Variants in TMTC2 observed in about 807,000 individuals in gnomAD.
The protein encoded by TMTC2 is protein O-mannosyl-transferase TMTC2.
TMTC2 carries 43 observed loss-of-function variants against 82.4 expected under a neutral mutation model. The observed-to-expected ratio is 0.52, with a 90% CI of 0.41 to 0.67. TMTC2 has a LOEUF of 0.67. TMTC2 is among the 30% of genes least tolerant of loss of function. The pLI is 0.00. For missense variants in TMTC2, 919 were observed against 1,012.4 expected (o/e 0.91, Z 1.25); for synonymous variants, 408 against 381.9 (o/e 1.07, Z -0.80).
intron 1 of TMTC2, among the ~76,000 whole-genome samples, chr12:82,821,958 C>T (rs1869143904): frequency 6.6e-6 from 1 of 150,858 alleles, no homozygotes; most frequent in Non-Finnish European, 1.5e-5. Flanking sequence ...GTAAAAAGCA[C>T]TCCTTTACAA....
At chr12:82,740,531 G>A (rs962708004) in intron 1 of TMTC2, among the ~76,000 whole-genome samples, 2 of 152,196 alleles carry the variant, frequency 1.3e-5, no homozygotes, top group Non-Finnish European at 2.9e-5. Flanking sequence ...CTGATGTTAT[G>A]TACTCTGATC....
At chr12:82,867,262 C>T (rs1049508438) in intron 2 of TMTC2, among the ~76,000 whole-genome samples, 4 of 152,186 alleles carry the variant, frequency 2.6e-5, no homozygotes, top group Non-Finnish European at 5.9e-5. Flanking sequence ...AGTCAGTTTC[C>T]GTTCCAAAGG....
chr12:82,935,552 C>T (rs538180376), intron 4 of TMTC2, among the ~76,000 whole-genome samples: 12 of 152,090 alleles, frequency 7.9e-5, no homozygotes, highest in Non-Finnish European at 1.8e-4. Context: ...TCAACCTCTT[C>T]GCTACACCAC....
At chr12:82,871,976 T>C (rs1357851362) in intron 2 of TMTC2, among the ~76,000 whole-genome samples, 2 of 151,436 alleles carry the variant, frequency 1.3e-5, no homozygotes, top group Non-Finnish European at 2.9e-5. Flanking sequence ...TCATTATTTT[T>C]ACTCCATATT....
At chr12:82,805,182 T>C (rs955541469) in intron 1 of TMTC2, among the ~76,000 whole-genome samples, 7 of 152,090 alleles carry the variant, frequency 4.6e-5, no homozygotes, top group Non-Finnish European at 1.0e-4. Flanking sequence ...AGGAAGTAAC[T>C]TGTGGAATGC....
chr12:83,114,514 CT>C (rs1212126273), intron 11 of TMTC2, among the ~76,000 whole-genome samples: 8 of 152,132 alleles, frequency 5.3e-5, no homozygotes, highest in African/African-American at 1.9e-4. Flanking sequence ...ATGCCTAACC[CT>C]AAATTTTCAT....
intron 1 of TMTC2, among the ~76,000 whole-genome samples, chr12:82,750,777 T>C (rs1318723493): frequency 6.6e-6 from 1 of 152,182 alleles, no homozygotes; most frequent in African/African-American, 2.4e-5. Flanking sequence ...ATATAAGCTG[T>C]ATGAGTGTTA....
chr12:82,997,060 G>T (rs79463717), intron 8 of TMTC2, among the ~76,000 whole-genome samples: 2,680 of 150,996 alleles, frequency 0.018, 94 homozygotes, highest in African/African-American at 0.062. Context: ...TTTCTACCTA[G>T]GGTACACATT....
At chr12:82,781,005 C>A (rs1877877662) in intron 1 of TMTC2, among the ~76,000 whole-genome samples, 1 of 151,882 alleles carries the variant, frequency 6.6e-6, no homozygotes, top group Admixed American at 6.6e-5. Context: ...ACTACAGTTT[C>A]TTTTTGAGTT....
chr12:82,831,082 C>G (rs773645387), intron 1 of TMTC2, among the ~76,000 whole-genome samples: 1 of 152,174 alleles, frequency 6.6e-6, no homozygotes, highest in African/African-American at 2.4e-5. Context: ...GATATTTGTT[C>G]TGGGTGATAG....
intron 7 of TMTC2, among the ~76,000 whole-genome samples, chr12:82,980,864 C>T (rs1245360387): frequency 6.6e-6 from 1 of 151,870 alleles, no homozygotes; most frequent in African/African-American, 2.4e-5. Context: ...AGCACGATGT[C>T]TATGTTACTA....
intron 11 of TMTC2, among the ~76,000 whole-genome samples, chr12:83,099,776 A>G (rs1592745918): frequency 6.6e-6 from 1 of 152,164 alleles, no homozygotes; most frequent in Non-Finnish European, 1.5e-5. Flanking sequence ...TTACCCTTGC[A>G]AATAATGTAT....
rs12299141 is a variant in TMTC2, at chr12:82,850,933, G to T, written c.84-6077G>T. Among the ~76,000 whole-genome samples the T allele has an allele frequency of 9.9e-5, 15 of 152,008 alleles. No homozygotes were observed. In the South Asian group the frequency reaches 2.9e-3, roughly 30 times the overall value. On this transcript the variant is annotated intron_variant, in intron 1 of 11. Coordinates refer to ENST00000321196, the MANE Select transcript of TMTC2 (RefSeq NM_152588.3). ...ACAAAAATTAGCTGGGCGTGGTGGC[G>T]TGCTCCTGTAGTCCCAGCTACTCAG...
At chr12:83,033,980 A>G (rs1881561697) in intron 9 of TMTC2, among the ~76,000 whole-genome samples, 2 of 151,102 alleles carry the variant, frequency 1.3e-5, no homozygotes, top group Admixed American at 6.6e-5. Flanking sequence ...AATATTGGCA[A>G]ATAGAGACAT....
At chr12:82,728,169 C>G (rs888302835) in intron 1 of TMTC2, among the ~76,000 whole-genome samples, 12 of 151,930 alleles carry the variant, frequency 7.9e-5, no homozygotes, top group African/African-American at 2.7e-4. Context: ...CAACTGCTTA[C>G]TTGGTTAGGT....
intron 1 of TMTC2, among the ~76,000 whole-genome samples, chr12:82,850,646 G>A (rs187537862): frequency 6.6e-6 from 1 of 152,254 alleles, no homozygotes; most frequent in East Asian, 1.9e-4. Flanking sequence ...ATGTGCTAAA[G>A]ACTACAGTTA....
chr12:82,899,880 C>A (rs189378959), intron 3 of TMTC2, among the ~76,000 whole-genome samples: 140 of 137,414 alleles, frequency 1.0e-3, no homozygotes, highest in Non-Finnish European at 1.7e-3. Context: ...TATACATATC[C>A]GGAATATAGA....
chr12:82,733,103 T>C (rs1216938680), intron 1 of TMTC2, among the ~76,000 whole-genome samples: 1 of 152,252 alleles, frequency 6.6e-6, no homozygotes, highest in Non-Finnish European at 1.5e-5. Flanking sequence ...TGTGAAATCC[T>C]TTCTCCATTA....
chr12:82,753,424 A>T (rs1447338322), intron 1 of TMTC2, among the ~76,000 whole-genome samples: 1 of 143,630 alleles, frequency 7.0e-6, no homozygotes, highest in Non-Finnish European at 1.5e-5. Flanking sequence ...CTGTGGTTTT[A>T]CTGTGTGGAG....
Sources: gnomAD v4.1 joint callset for allele counts (sites outside exome capture counted in the v4.1 genomes callset) on GRCh38, gnomAD v4.1.1 for gene constraint, MANE v1.5 for transcripts, NCBI Gene and HGNC (gene_info 2026-07-23, HGNC 2026-07-21) for gene names.